Variants in CNTNAP5 observed in about 807,000 individuals in gnomAD.
CNTNAP5 encodes the protein contactin associated protein family member 5, also known as contactin-associated protein-like 5.
A neutral mutation model predicts 150.2 loss-of-function variants in CNTNAP5; 72 were observed. The observed-to-expected ratio is 0.48, with a 90% CI of 0.40 to 0.58. The LOEUF (loss-of-function observed/expected upper bound fraction) is 0.58. Ranked by LOEUF, CNTNAP5 falls within the 20% of genes least tolerant of loss-of-function variation. CNTNAP5 has a pLI of 0.00. For missense variants in CNTNAP5, 1,636 were observed against 1,626.2 expected (o/e 1.01, Z -0.10); for synonymous variants, 672 against 619.8 (o/e 1.08, Z -1.25).
At position 124,675,782 on chromosome 2, in the gene CNTNAP5, G is replaced by A. The variant is rs1404500864; in HGVS notation, c.2077+27824G>A. Among the ~76,000 whole-genome samples the A allele has an allele frequency of 3.3e-5, 5 of 151,994 alleles. No homozygotes were observed. In the East Asian group the frequency reaches 9.6e-4, roughly 29 times the overall value. On this transcript the variant is annotated intron_variant, in intron 13 of 23. Transcript: ENST00000682447. Reference sequence around the variant, plus strand: ...TGTCATATTTTCCTTTAATTCTTTAGAGATATTTTTATTTATTTATTTGAA... The same window carrying A: ...TGTCATATTTTCCTTTAATTCTTTAAAGATATTTTTATTTATTTATTTGAA...
At chr2:124,809,494 A>G (rs1269846579) in intron 19 of CNTNAP5, among the ~76,000 whole-genome samples, 2 of 151,538 alleles carry the variant, frequency 1.3e-5, no homozygotes, top group Admixed American at 6.6e-5. Flanking sequence ...GCAGCCTCAA[A>G]CTCCTGGACT....
chr2:124,581,216 C>A (rs1696402633), intron 11 of CNTNAP5, among the ~76,000 whole-genome samples: 1 of 152,142 alleles, frequency 6.6e-6, no homozygotes, highest in African/African-American at 2.4e-5. Flanking sequence ...CTTCAAAATT[C>A]TTCTCCGAAC....
intron 2 of CNTNAP5, among the ~76,000 whole-genome samples, chr2:124,225,937 G>T (rs572267423): frequency 1.7e-4 from 26 of 152,226 alleles, no homozygotes; most frequent in African/African-American, 6.3e-4. Context: ...CTATGATGTT[G>T]CAAGTGGCAG....
chr2:124,558,871 G>T (rs941841445), intron 10 of CNTNAP5, among the ~76,000 whole-genome samples: 2 of 152,160 alleles, frequency 1.3e-5, no homozygotes, highest in African/African-American at 4.8e-5. Flanking sequence ...GTGCTTGCCA[G>T]GATGAAATTG....
chr2:124,035,652 T>C (rs1681193561), intron 1 of CNTNAP5, among the ~76,000 whole-genome samples: 1 of 152,104 alleles, frequency 6.6e-6, no homozygotes, highest in Admixed American at 6.6e-5. Context: ...CTCAGGCAAA[T>C]TTGCATTCAG....
intron 1 of CNTNAP5, among the ~76,000 whole-genome samples, chr2:124,072,094 T>C (rs1682318895): frequency 6.6e-6 from 1 of 152,010 alleles, no homozygotes; most frequent in South Asian, 2.1e-4. Context: ...AATCAATCAG[T>C]GTGATACATC....
intron 11 of CNTNAP5, among the ~76,000 whole-genome samples, chr2:124,584,687 G>T (rs1401591995): frequency 1.3e-5 from 2 of 152,140 alleles, no homozygotes; most frequent in African/African-American, 4.8e-5. Flanking sequence ...TCTGCACAAA[G>T]AATTCTGGAC....
intron 1 of CNTNAP5, among the ~76,000 whole-genome samples, chr2:124,183,532 T>A (rs1322958543): frequency 6.6e-6 from 1 of 152,208 alleles, no homozygotes; most frequent in East Asian, 1.9e-4. Context: ...CAAGGTTGAA[T>A]AGCTTCCTTT....
intron 8 of CNTNAP5, among the ~76,000 whole-genome samples, chr2:124,518,924 G>C (rs1184999761): frequency 6.7e-6 from 1 of 148,612 alleles, no homozygotes; most frequent in Non-Finnish European, 1.5e-5. Flanking sequence ...AGGAGGCGGA[G>C]GTTGCAGTGA....
chr2:124,349,648 T>G (rs1010833311), intron 3 of CNTNAP5, among the ~76,000 whole-genome samples: 1 of 152,150 alleles, frequency 6.6e-6, no homozygotes, highest in Non-Finnish European at 1.5e-5. Context: ...TTCAGTGGCA[T>G]TTCCTTCAAC....
intron 3 of CNTNAP5, among the ~76,000 whole-genome samples, chr2:124,309,192 T>G (rs1688764595): frequency 6.6e-6 from 1 of 152,212 alleles, no homozygotes; most frequent in South Asian, 2.1e-4. Flanking sequence ...CTCTCTCTCT[T>G]AAAACGTCTT....
chr2:124,474,967 T>A, intron 7 of CNTNAP5, 85 bp downstream of exon 7: 1 of 1,177,062 alleles, frequency 8.5e-7, no homozygotes, highest in Non-Finnish European at 1.2e-6. Context: ...CTGAACCCAT[T>A]CGTAATGTGT....
chr2:124,690,718 G>A (rs1287808381), intron 13 of CNTNAP5, among the ~76,000 whole-genome samples: 1 of 151,888 alleles, frequency 6.6e-6, no homozygotes, highest in African/African-American at 2.4e-5. Context: ...ATACCCCCAT[G>A]TCTGGTACAT....
intron 1 of CNTNAP5, among the ~76,000 whole-genome samples, chr2:124,130,947 G>A (rs1456425990): frequency 6.6e-6 from 1 of 152,072 alleles, no homozygotes; most frequent in East Asian, 1.9e-4. Context: ...AGGTGATACT[G>A]TAATAATAGT....
chr2:124,181,647 T>C (rs1685211264), intron 1 of CNTNAP5, among the ~76,000 whole-genome samples: 1 of 152,210 alleles, frequency 6.6e-6, no homozygotes, highest in African/African-American at 2.4e-5. Flanking sequence ...CTGGCTCTGA[T>C]CTTCACTGTA....
At chr2:124,854,240 C>A (rs1346959397) in intron 19 of CNTNAP5, among the ~76,000 whole-genome samples, 1 of 152,144 alleles carries the variant, frequency 6.6e-6, no homozygotes. Context: ...TTCCTCTATC[C>A]ATCCACTCAT....
intron 1 of CNTNAP5, among the ~76,000 whole-genome samples, chr2:124,111,338 G>A (rs1558759604): frequency 6.6e-6 from 1 of 152,166 alleles, no homozygotes; most frequent in Non-Finnish European, 1.5e-5. Context: ...GAAATTACAT[G>A]TAGCCACTGT....
At chr2:124,442,855 C>A (rs1447082787) in intron 5 of CNTNAP5, among the ~76,000 whole-genome samples, 3 of 152,060 alleles carry the variant, frequency 2.0e-5, no homozygotes, top group Non-Finnish European at 4.4e-5. Flanking sequence ...AGATTTTCAA[C>A]CTTATTCTTA....
At chr2:124,096,252 T>C (rs758111927) in intron 1 of CNTNAP5, among the ~76,000 whole-genome samples, 4 of 152,190 alleles carry the variant, frequency 2.6e-5, no homozygotes, top group Non-Finnish European at 5.9e-5. Flanking sequence ...ACCTACTCTA[T>C]TAGCCTGAAT....
Sources: allele counts gnomAD v4.1 joint callset (sites outside exome capture counted in the v4.1 genomes callset), GRCh38; gene constraint gnomAD v4.1.1; transcripts MANE v1.5; gene names NCBI Gene and HGNC (gene_info 2026-07-23, HGNC 2026-07-21).